Variants in PLEKHD1 observed in about 807,000 individuals in gnomAD.
PLEKHD1 encodes pleckstrin homology domain-containing family D member 1.
PLEKHD1 carries 51 observed loss-of-function variants against 69.2 expected under a neutral mutation model. The ratio of observed to expected loss-of-function variants is 0.74; its 90% CI spans 0.59 to 0.93. The LOEUF is 0.93. PLEKHD1 is among the 40% of genes least tolerant of loss of function. The pLI is 0.00. For missense variants in PLEKHD1, 584 were observed against 641.0 expected, an observed-to-expected ratio of 0.91 and a Z score of 0.96; for synonymous variants, 236 against 244.7, an observed-to-expected ratio of 0.96 and a Z score of 0.33.
Position 69,501,789 on chromosome 14 carries a change from G to C in PLEKHD1, c.466G>C (p.Gly156Arg). The change falls in exon 5 of 13, where the codon GGG becomes CGG. Residue 156 changes from glycine (G) to arginine (R), a missense_variant. Physicochemically the swap from Gly to Arg is moderately radical, Grantham distance 125. Transcript: ENST00000322564. The part of the protein sequence containing the change: ...EAMIKSLEAQ[G>R]LQLAKEKQEY... ...CATGATCAAAAGCCTGGAGGCCCAG[G>C]GGCTGCAGTTGGCTAAGGAAAAGCA... The C allele has an allele frequency of 6.4e-7, 1 of 1,551,530 alleles. No homozygotes were observed. The highest frequency in any genetic ancestry group is 8.7e-7 in the Non-Finnish European group (1 of 1,146,896).
chr14:69,528,528 C>T lies in PLEKHD1; in HGVS notation c.*109C>T, dbSNP rs1883717361. ...AGCTCCTGGCCTCTCTGGTCTGGAG[C>T]CTATGTCTCCTCTGGGCCGGAGCTC... On this transcript the variant is annotated 3_prime_UTR_variant, in exon 13 of 13. Transcript: ENST00000322564. The T allele has an allele frequency of 1.5e-6, 2 of 1,360,082 alleles. No individual in the cohort carries two copies. The highest frequency in any genetic ancestry group is 2.0e-6 in the Non-Finnish European group (2 of 1,021,962). The allele number at this position is 1,360,082 out of a possible 1,614,324, so 84.3% of individuals were successfully genotyped here.
At chr14:69,519,713 T>C (rs940478122) in intron 6 of PLEKHD1, among the ~76,000 whole-genome samples, 3 of 152,248 alleles carry the variant, frequency 2.0e-5, no homozygotes, top group African/African-American at 7.2e-5. Context: ...TCCCCCGTTT[T>C]CAACTACAAA....
At chr14:69,489,015 G>GCT (rs1041726380) in intron 1 of PLEKHD1, among the ~76,000 whole-genome samples, 27 of 116,216 alleles carry the variant, frequency 2.3e-4, no homozygotes, top group African/African-American at 6.9e-4. Context: ...TACACATCAG[G>GCT]TCACTGGGGT....
At chr14:69,528,114 C>G (rs1437997531) in intron 12 of PLEKHD1, 136 bp from the exon 13 acceptor site, 1 of 1,403,406 alleles carries the variant, frequency 7.1e-7, no homozygotes, top group Non-Finnish European at 9.6e-7. Context: ...GATATGGAAG[C>G]CCGTGTGTGT....
intron 1 of PLEKHD1, among the ~76,000 whole-genome samples, chr14:69,492,978 G>A (rs1376290393): frequency 4.6e-5 from 7 of 152,232 alleles, no homozygotes; most frequent in African/African-American, 1.7e-4. Context: ...GTGTTGCCCA[G>A]GCTGGTATGG....
intron 8 of PLEKHD1, 93 bp downstream of exon 8, chr14:69,524,415 G>A (rs907275788): frequency 2.9e-5 from 32 of 1,107,020 alleles, no homozygotes; most frequent in Admixed American, 4.0e-5. Context: ...TCCCCAGGGG[G>A]TGATCTGTAA....
intron 1 of PLEKHD1, among the ~76,000 whole-genome samples, chr14:69,499,649 TCA>T (rs1376257568): frequency 1.3e-5 from 2 of 152,218 alleles, no homozygotes; most frequent in East Asian, 3.8e-4. Context: ...AATGCCAATG[TCA>T]CACTGGGGTG....
At chr14:69,499,659 G>T (rs958136182) in intron 1 of PLEKHD1, among the ~76,000 whole-genome samples, 7 of 152,234 alleles carry the variant, frequency 4.6e-5, no homozygotes, top group Admixed American at 3.3e-4. Flanking sequence ...TCACACTGGG[G>T]TGCTCGGGGC....
intron 11 of PLEKHD1, 34 bp downstream of exon 11, chr14:69,527,366 T>A: frequency 6.4e-7 from 1 of 1,550,724 alleles, no homozygotes; most frequent in Non-Finnish European, 8.7e-7. Context: ...GCCCCCAGCT[T>A]TGGCACTCAG....
chr14:69,508,153 A>G (rs1417655136), intron 6 of PLEKHD1, among the ~76,000 whole-genome samples: 26 of 152,188 alleles, frequency 1.7e-4, no homozygotes, highest in Non-Finnish European at 2.9e-5. Context: ...TCACGCCTGT[A>G]ATCCTAGAAC....
intron 1 of PLEKHD1, among the ~76,000 whole-genome samples, chr14:69,495,439 A>C (rs1208958483): frequency 6.6e-6 from 1 of 152,078 alleles, no homozygotes. Flanking sequence ...GCCTCTACCA[A>C]CTAGTGCTGT....
chr14:69,517,127 G>C (rs1883401597), intron 6 of PLEKHD1, among the ~76,000 whole-genome samples: 1 of 152,002 alleles, frequency 6.6e-6, no homozygotes. Flanking sequence ...AGGTTCTAGA[G>C]TGGGGGCTGG....
chr14:69,490,458 TG>T (rs1476306273), intron 1 of PLEKHD1, among the ~76,000 whole-genome samples: 1 of 152,324 alleles, frequency 6.6e-6, no homozygotes, highest in East Asian at 1.9e-4. Context: ...CATCTCCTGC[TG>T]TGTGGCCCAG....
rs1329170612 is a variant in PLEKHD1 at position 69,527,248 on chromosome 14, C to T, written c.1117C>T (p.Arg373Ter). The T allele has an allele frequency of 4.5e-6, 7 of 1,551,542 alleles. No individual in the cohort carries two copies. The highest frequency in any genetic ancestry group is 2.4e-5 in the East Asian group (1 of 40,920). ...RRLREAEGALRSLEQGLNSKV... is the reference protein window; with the variant it reads ...RRLREAEGAL ...TCTCCGGGAGGCAGAAGGGGCCTTG[C>T]GAAGCCTGGAACAGGGGCTGAATTC... The change falls in exon 11 of 13, where the codon CGA becomes TGA. Residue 373 changes from arginine to a stop codon, truncating the protein, a stop_gained. Coordinates refer to ENST00000322564, the MANE Select transcript of PLEKHD1 (RefSeq NM_001161498.2). LOFTEE classifies it high-confidence loss of function.
upstream of PLEKHD1, among the ~76,000 whole-genome samples, chr14:69,481,975 A>T (rs1210331428): frequency 6.6e-6 from 1 of 152,146 alleles, no homozygotes; most frequent in Non-Finnish European, 1.5e-5. Flanking sequence ...AACACAATGG[A>T]AGCAGAAACA....
the PLEKHD1 span, among the ~76,000 whole-genome samples, chr14:69,473,045 GT>G: frequency 2.0e-5 from 3 of 152,144 alleles, no homozygotes; most frequent in African/African-American, 7.2e-5. Flanking sequence ...AGATGGGACC[GT>G]TTAGTTGCAG....
At chr14:69,524,142 T>G in intron 7 of PLEKHD1, 87 bp from the exon 8 acceptor site, 1 of 1,116,306 alleles carries the variant, frequency 9.0e-7, no homozygotes, top group Admixed American at 2.1e-5. Flanking sequence ...CATCAGGAAG[T>G]GAAGCAAAAG....
At chr14:69,477,615 G>A in the PLEKHD1 span, among the ~76,000 whole-genome samples, 2 of 152,226 alleles carry the variant, frequency 1.3e-5, no homozygotes, top group African/African-American at 4.8e-5. Context: ...GGTAAATACA[G>A]CCATTCCAAA....
At chr14:69,513,086 G>A (rs1373288419) in intron 6 of PLEKHD1, among the ~76,000 whole-genome samples, 1 of 151,892 alleles carries the variant, frequency 6.6e-6, no homozygotes, top group Non-Finnish European at 1.5e-5. Context: ...GGGCATGGTG[G>A]TGCATGCCTG....
Sources: allele counts gnomAD v4.1 joint callset (sites outside exome capture counted in the v4.1 genomes callset), GRCh38; gene constraint gnomAD v4.1.1; transcripts MANE v1.5; gene names NCBI Gene and HGNC (gene_info 2026-07-23, HGNC 2026-07-21).